Variants in SRSF4 observed in about 807,000 individuals in gnomAD.
The protein encoded by SRSF4 is serine and arginine rich splicing factor 4, also known as serine/arginine-rich splicing factor 4.
SRSF4 carries 12 observed loss-of-function variants against 48.8 expected under a neutral mutation model. The ratio of observed to expected loss-of-function variants is 0.25; its 90% CI spans 0.16 to 0.40. The LOEUF is 0.40. Among genes scored for constraint, SRSF4 ranks in the 10% least tolerant of loss-of-function variants. The pLI is 1.00. For missense variants in SRSF4, 466 were observed against 667.1 expected (o/e 0.70, Z 3.32); for synonymous variants, 248 against 232.5 (o/e 1.07, Z -0.61).
chr1:29,181,623 G>A (rs1672960214), intron 1 of SRSF4, 23 bp downstream of exon 1: 2 of 1,562,480 alleles, frequency 1.3e-6, no homozygotes, highest in African/African-American at 1.4e-5. Flanking sequence ...CCGCCCGGCC[G>A]GACCCTCTTT....
At chr1:29,176,527 T>C (rs890870559) in intron 1 of SRSF4, among the ~76,000 whole-genome samples, 1 of 151,370 alleles carries the variant, frequency 6.6e-6, no homozygotes, top group Non-Finnish European at 1.5e-5. Flanking sequence ...TAACAGCTCA[T>C]CTAACCAGAA....
rs777171620 is a variant in SRSF4 at position 29,149,237 on chromosome 1, A to G, written c.669-11T>C. The G allele has an allele frequency of 2.4e-5, 39 of 1,603,408 alleles. No homozygotes were observed. In the Admixed American group the frequency reaches 5.0e-4, roughly 21 times the overall value. On this transcript the variant is annotated splice_polypyrimidine_tract_variant and intron_variant, in intron 5 of 5. Coordinates refer to ENST00000373795, the MANE Select transcript of SRSF4 (RefSeq NM_005626.5). ...GAGCGGGAGCCCGACCTGAGGAGAC[A>G]TGGGATACTGTTTGTGTCACATGTG...
intron 1 of SRSF4, among the ~76,000 whole-genome samples, chr1:29,164,969 C>G (rs1238134945): frequency 1.3e-5 from 2 of 152,180 alleles, no homozygotes; most frequent in Non-Finnish European, 2.9e-5. Context: ...CTCAAATTTG[C>G]TCATCAGAAC....
chr1:29,163,505 G>A (rs78269211), intron 1 of SRSF4, among the ~76,000 whole-genome samples: 1 of 152,062 alleles, frequency 6.6e-6, no homozygotes, highest in Non-Finnish European at 1.5e-5. Flanking sequence ...GCAAAGAGCA[G>A]ATCAGTGTGG....
At chr1:29,179,722 C>G (rs1672925572) in intron 1 of SRSF4, among the ~76,000 whole-genome samples, 1 of 152,186 alleles carries the variant, frequency 6.6e-6, no homozygotes, top group Non-Finnish European at 1.5e-5. Flanking sequence ...TTCAACACAT[C>G]TTTTCAAGCA....
intron 1 of SRSF4, among the ~76,000 whole-genome samples, chr1:29,162,729 A>G (rs1672617713): frequency 6.6e-6 from 1 of 152,206 alleles, no homozygotes; most frequent in African/African-American, 2.4e-5. Flanking sequence ...ACCAGGACTG[A>G]TCTAACGTGA....
At chr1:29,177,674 G>A (rs1028349380) in intron 1 of SRSF4, among the ~76,000 whole-genome samples, 3 of 152,184 alleles carry the variant, frequency 2.0e-5, no homozygotes, top group Non-Finnish European at 4.4e-5. Context: ...GGAGATCTTC[G>A]TTGTATTTGT....
chr1:29,154,528 C>T, intron 4 of SRSF4, 168 bp downstream of exon 4: 1 of 671,260 alleles, frequency 1.5e-6, no homozygotes. Flanking sequence ...TACTCATGAC[C>T]TAAGAGTTCA....
chr1:29,170,795 T>A (rs1672735346), intron 1 of SRSF4: 1 of 152,086 alleles, frequency 6.6e-6, no homozygotes, highest in Admixed American at 6.5e-5. Context: ...AATTCAAACC[T>A]CCCTCTTTCA....
intron 5 of SRSF4, 114 bp downstream of exon 5, chr1:29,149,989 C>T: frequency 1.2e-6 from 1 of 855,648 alleles, no homozygotes; most frequent in Non-Finnish European, 1.9e-6. Context: ...GACTGTACCA[C>T]TGGACTCCAG....
Position 29,149,236 on chromosome 1 carries a change from C to T in SRSF4, c.669-10G>A. ...GGAGCGGGAGCCCGACCTGAGGAGA[C>T]ATGGGATACTGTTTGTGTCACATGT... is the stretch of plus-strand genomic sequence containing the variant. On this transcript the variant is annotated splice_polypyrimidine_tract_variant and intron_variant, in intron 5 of 5. Transcript: ENST00000373795. The T allele has an allele frequency of 6.2e-7, 1 of 1,603,646 alleles. No individual in the cohort carries two copies. Among genetic ancestry groups the T allele is most frequent in the South Asian group, 1.1e-5 (1 of 90,962 alleles).
At chr1:29,157,737 G>A (rs1032474049) in intron 3 of SRSF4, among the ~76,000 whole-genome samples, 1 of 152,206 alleles carries the variant, frequency 6.6e-6, no homozygotes, top group African/African-American at 2.4e-5. Flanking sequence ...TTTGGCTAGA[G>A]ATGACTTGTT....
At chr1:29,159,188 T>C (rs965829481) in intron 3 of SRSF4, among the ~76,000 whole-genome samples, 186 bp downstream of exon 3, 1 of 152,186 alleles carries the variant, frequency 6.6e-6, no homozygotes, top group Non-Finnish European at 1.5e-5. Context: ...GGTCCCACAA[T>C]GTATAGCAGG....
chr1:29,156,948 G>A (rs1200636940), intron 3 of SRSF4, among the ~76,000 whole-genome samples: 1 of 152,230 alleles, frequency 6.6e-6, no homozygotes, highest in Non-Finnish European at 1.5e-5. Flanking sequence ...AACGGTGAAA[G>A]GCAGGCAGTG....
intron 1 of SRSF4, among the ~76,000 whole-genome samples, chr1:29,176,777 A>T (rs1246890462): frequency 6.6e-6 from 1 of 152,160 alleles, no homozygotes; most frequent in Non-Finnish European, 1.5e-5. Context: ...GAAAACAAAA[A>T]TTTTCTGGTA....
chr1:29,171,291 T>TA (rs966245151), intron 1 of SRSF4: 1 of 151,426 alleles, frequency 6.6e-6, no homozygotes, highest in Non-Finnish European at 1.5e-5. Context: ...CTACAGAGAC[T>TA]AAAGGCTGAA....
chr1:29,164,108 C>G (rs367947009), intron 1 of SRSF4, among the ~76,000 whole-genome samples: 1 of 152,162 alleles, frequency 6.6e-6, no homozygotes. Context: ...GCTTCAGCCT[C>G]CCAAGTAGCT....
At chr1:29,175,208 T>A (rs1322666216) in intron 1 of SRSF4, among the ~76,000 whole-genome samples, 1 of 148,844 alleles carries the variant, frequency 6.7e-6, no homozygotes, top group East Asian at 2.0e-4. Context: ...AGGTCAGGAG[T>A]TCAAAACCAG....
chr1:29,152,635 C>A lies in SRSF4; in HGVS notation c.578+2061G>T, dbSNP rs148700859. Among the ~76,000 whole-genome samples, 46 of 152,164 alleles carry A rather than the reference C, an allele frequency of 3.0e-4. 1 individual carries two copies. The East Asian group carries it at 8.9e-3, about 29-fold the overall frequency. On this transcript the variant is annotated intron_variant, in intron 4 of 5. Transcript: ENST00000373795. ...TTTCTGTTAGATAGATAGGCATTTT[C>A]TCGACGGGCACGGTGGCTCAAGACT...
Sources: allele counts gnomAD v4.1 joint callset (sites outside exome capture counted in the v4.1 genomes callset), GRCh38; gene constraint gnomAD v4.1.1; transcripts MANE v1.5; gene names NCBI Gene and HGNC (gene_info 2026-07-23, HGNC 2026-07-21).